NEDD4L: variants seen among roughly 807,000 people sequenced by gnomAD.
The protein encoded by NEDD4L is E3 ubiquitin-protein ligase NEDD4-like.
NEDD4L carries 54 observed loss-of-function variants against 148.9 expected under a neutral mutation model. That is an observed-to-expected ratio of 0.36 (90% CI 0.29 to 0.45). The LOEUF is 0.45. Among genes scored for constraint, NEDD4L ranks in the 20% least tolerant of loss-of-function variants. NEDD4L has a pLI of 1.00. For synonymous variants in NEDD4L, 433 were observed against 440.7 expected (o/e 0.98, Z 0.22); for missense variants, 856 against 1,233.8 (o/e 0.69, Z 4.59).
chr18:58,395,547 A>G (rs893071791), intron 30 of NEDD4L, among the ~76,000 whole-genome samples: 21 of 151,994 alleles, frequency 1.4e-4, no homozygotes, highest in African/African-American at 4.8e-4. Context: ...AACTTTACAT[A>G]GCAAATGTCA....
intron 24 of NEDD4L, among the ~76,000 whole-genome samples, chr18:58,382,796 T>C (rs1215965878): frequency 1.3e-5 from 2 of 152,232 alleles, no homozygotes; most frequent in African/African-American, 2.4e-5. Context: ...TTTCTTGTCT[T>C]TAAGTTTCTG....
intron 2 of NEDD4L, among the ~76,000 whole-genome samples, chr18:58,174,361 C>G (rs1037835170): frequency 6.6e-6 from 1 of 152,104 alleles, no homozygotes; most frequent in Non-Finnish European, 1.5e-5. Flanking sequence ...CAGAAGTTCT[C>G]GCTCTGGTTC....
chr18:58,341,106 G>A lies in NEDD4L; in HGVS notation c.1194G>A (p.Lys398=), dbSNP rs2042361945. The A allele has an allele frequency of 6.2e-7, 1 of 1,612,202 alleles. No homozygotes were observed. The highest frequency in any genetic ancestry group is 8.5e-7 in the Non-Finnish European group (1 of 1,179,282). The change falls in exon 14 of 31, where the codon AAG becomes AAA. Residue 398 remains lysine (K), a synonymous_variant. Transcript: ENST00000400345. ...GCTGGGAAGAAAGAAAAGATGCTAA[G>A]GGGCGCACATACTATGTCAATCATA... ...PSGWEERKDA[K]GRTYYVNHNN...
intron 12 of NEDD4L, among the ~76,000 whole-genome samples, chr18:58,335,268 A>G (rs575627780): frequency 2.0e-5 from 3 of 152,310 alleles, no homozygotes; most frequent in East Asian, 3.9e-4. Flanking sequence ...ACCCAGGTCA[A>G]GGATGAGCCA....
At chr18:58,121,693 G>A (rs1432681625) in intron 1 of NEDD4L, among the ~76,000 whole-genome samples, 2 of 152,146 alleles carry the variant, frequency 1.3e-5, no homozygotes, top group East Asian at 3.8e-4. Flanking sequence ...GCAGGCATGA[G>A]CCACCACACC....
intron 2 of NEDD4L, among the ~76,000 whole-genome samples, chr18:58,215,042 C>T (rs546705522): frequency 2.0e-5 from 3 of 152,168 alleles, no homozygotes; most frequent in African/African-American, 7.2e-5. Flanking sequence ...GAACTCCTGA[C>T]CTCAAGTGAT....
chr18:58,297,479 G>A (rs1841192547), intron 5 of NEDD4L, among the ~76,000 whole-genome samples: 1 of 152,338 alleles, frequency 6.6e-6, no homozygotes, highest in East Asian at 1.9e-4. Context: ...TTTGTTGGAA[G>A]AGAAGACGTG....
At chr18:58,092,520 G>A (rs1599211915) in intron 1 of NEDD4L, among the ~76,000 whole-genome samples, 1 of 152,096 alleles carries the variant, frequency 6.6e-6, no homozygotes, top group Non-Finnish European at 1.5e-5. Flanking sequence ...CATTTCTGAT[G>A]AGACTTTGAT....
At chr18:58,351,115 T>A (rs2043829245) in intron 18 of NEDD4L, 70 bp downstream of exon 18, 2 of 1,546,176 alleles carry the variant, frequency 1.3e-6, no homozygotes, top group Admixed American at 2.0e-5. Flanking sequence ...AACATCATAG[T>A]GAAAGCTTTG....
At chr18:58,348,420 T>C (rs28591615) in intron 16 of NEDD4L, among the ~76,000 whole-genome samples, 46,669 of 144,094 alleles carry the variant, frequency 0.32, 7,640 homozygotes, top group Middle Eastern at 0.41. Context: ...CAACCTCTAC[T>C]TTCCGGGTTC....
intron 1 of NEDD4L, among the ~76,000 whole-genome samples, chr18:58,135,705 T>G (rs1473761160): frequency 6.6e-6 from 1 of 152,252 alleles, no homozygotes; most frequent in African/African-American, 2.4e-5. Flanking sequence ...TGCAAAGTTT[T>G]CTTCATTGGT....
chr18:58,369,259 C>T (rs973901534), intron 22 of NEDD4L, among the ~76,000 whole-genome samples: 6 of 152,136 alleles, frequency 3.9e-5, no homozygotes, highest in Admixed American at 2.6e-4. Flanking sequence ...AGCCCAGAGT[C>T]AAGGCCTTGT....
intron 2 of NEDD4L, among the ~76,000 whole-genome samples, chr18:58,242,143 C>T (rs959947993): frequency 6.6e-6 from 1 of 152,180 alleles, no homozygotes; most frequent in Admixed American, 6.5e-5. Flanking sequence ...AGTTGGCCAG[C>T]ACCCAGTGTG....
At chr18:58,142,486 A>G (rs1427244908) in intron 1 of NEDD4L, among the ~76,000 whole-genome samples, 1 of 152,194 alleles carries the variant, frequency 6.6e-6, no homozygotes, top group Non-Finnish European at 1.5e-5. Context: ...ACTGATATTG[A>G]CAGAGGTCCT....
intron 2 of NEDD4L, among the ~76,000 whole-genome samples, chr18:58,214,233 T>G (rs1337654372): frequency 6.6e-6 from 1 of 152,222 alleles, no homozygotes; most frequent in Non-Finnish European, 1.5e-5. Context: ...ATTTGTTTCT[T>G]TTGAATTTCT....
chr18:58,364,638 T>C (rs551354430), intron 20 of NEDD4L, among the ~76,000 whole-genome samples: 1 of 152,306 alleles, frequency 6.6e-6, no homozygotes, highest in African/African-American at 2.4e-5. Flanking sequence ...AGTCACAAAA[T>C]CTGTGGAAGC....
chr18:58,071,143 A>G (rs1290560359), intron 1 of NEDD4L, among the ~76,000 whole-genome samples: 2 of 152,186 alleles, frequency 1.3e-5, no homozygotes, highest in African/African-American at 4.8e-5. Flanking sequence ...GTCACTATGA[A>G]AGTTATGTTC....
intron 2 of NEDD4L, among the ~76,000 whole-genome samples, chr18:58,218,532 T>C (rs2043388144): frequency 6.6e-6 from 1 of 152,170 alleles, no homozygotes; most frequent in Non-Finnish European, 1.5e-5. Context: ...TTCAGTGACC[T>C]TGTTGGTCGT....
At chr18:58,247,814 T>C (rs900416803) in intron 3 of NEDD4L, among the ~76,000 whole-genome samples, 1 of 152,212 alleles carries the variant, frequency 6.6e-6, no homozygotes, top group Non-Finnish European at 1.5e-5. Context: ...GGCCTGCTGC[T>C]CCACTCCCCT....
Sources: gnomAD v4.1 joint callset for allele counts (sites outside exome capture counted in the v4.1 genomes callset) on GRCh38, gnomAD v4.1.1 for gene constraint, MANE v1.5 for transcripts, NCBI Gene and HGNC (gene_info 2026-07-23, HGNC 2026-07-21) for gene names.